Variants in TULP4 observed in about 807,000 individuals in gnomAD.
TULP4 encodes tubby-related protein 4.
In TULP4, 16 loss-of-function variants were observed where a neutral mutation model predicts 129.0. That is an observed-to-expected ratio of 0.12 (90% CI 0.08 to 0.19). TULP4 has a LOEUF of 0.19. Among genes scored for constraint, TULP4 ranks in the 10% least tolerant of loss-of-function variants. TULP4 has a pLI of 1.00. For synonymous variants in TULP4, 998 were observed against 854.0 expected, an observed-to-expected ratio of 1.17 and a Z score of -2.94; for missense variants, 1,842 against 2,059.1, an observed-to-expected ratio of 0.89 and a Z score of 2.04.
At chr6:158,309,923 G>C (rs58680069), upstream of TULP4, among the ~76,000 whole-genome samples, 6 of 25,370 alleles carry the variant, frequency 2.4e-4, no homozygotes, top group African/African-American at 8.4e-4. Flanking sequence ...AGAGGGGGAG[G>C]GGGAGGGGGA....
chr6:158,252,860 T>C (rs1170400712), intron 1 of TULP4, among the ~76,000 whole-genome samples: 2 of 152,310 alleles, frequency 1.3e-5, no homozygotes, highest in Admixed American at 1.3e-4. Context: ...GGTTACCACA[T>C]TGGATTTAGA....
intron 1 of TULP4, among the ~76,000 whole-genome samples, chr6:158,246,086 A>G (rs1418309350): frequency 2.0e-5 from 3 of 151,212 alleles, no homozygotes; most frequent in East Asian, 1.9e-4. Context: ...TGAGATTTCT[A>G]TAAAGACCAT....
intron 5 of TULP4, among the ~76,000 whole-genome samples, chr6:158,455,055 A>ATTTT (rs781328845): frequency 3.0e-5 from 1 of 33,212 alleles, no homozygotes; most frequent in Non-Finnish European, 4.9e-5. Flanking sequence ...CAAATTTAAC[A>ATTTT]TTTTTTTTTT....
chr6:158,462,910 C>T (rs1042712706), intron 6 of TULP4, among the ~76,000 whole-genome samples: 12 of 151,960 alleles, frequency 7.9e-5, no homozygotes, highest in South Asian at 2.1e-4. Context: ...CCACCACGCC[C>T]GGCTAATTTT....
chr6:158,444,782 A>G (rs1377004467), intron 3 of TULP4, among the ~76,000 whole-genome samples: 1 of 152,220 alleles, frequency 6.6e-6, no homozygotes. Context: ...TGAAATAAAG[A>G]GATTATATGT....
At chr6:158,341,495 T>C (rs999064849) in intron 1 of TULP4, among the ~76,000 whole-genome samples, 1 of 152,212 alleles carries the variant, frequency 6.6e-6, no homozygotes, top group Admixed American at 6.5e-5. Flanking sequence ...ATTTTTAGTT[T>C]TATGAAGATT....
At chr6:158,504,257 A>AT in intron 13 of TULP4, 79 bp downstream of exon 13, 1 of 1,194,794 alleles carries the variant, frequency 8.4e-7, no homozygotes, top group Non-Finnish European at 1.2e-6. Flanking sequence ...AGCATTTTTC[A>AT]AAAGGCCAAA....
intron 9 of TULP4, among the ~76,000 whole-genome samples, chr6:158,492,846 CAT>C (rs1449131826): frequency 6.6e-6 from 1 of 152,194 alleles, no homozygotes; most frequent in Admixed American, 6.5e-5. Flanking sequence ...TGTCATTAAA[CAT>C]GTGTGTCTCC....
chr6:158,322,619 G>A (rs1262842718), intron 1 of TULP4, among the ~76,000 whole-genome samples: 1 of 152,094 alleles, frequency 6.6e-6, no homozygotes, highest in Non-Finnish European at 1.5e-5. Flanking sequence ...TTCAGTTACT[G>A]TTCTGACTCA....
intron 1 of TULP4, among the ~76,000 whole-genome samples, chr6:158,357,143 C>T (rs1331928103): frequency 6.6e-6 from 1 of 152,200 alleles, no homozygotes; most frequent in Non-Finnish European, 1.5e-5. Flanking sequence ...CCTAGCTTCT[C>T]CCGTCTGCAG....
chr6:158,306,824 AG>A (rs769817186), intron 1 of TULP4, among the ~76,000 whole-genome samples: 8 of 152,080 alleles, frequency 5.3e-5, no homozygotes, highest in Non-Finnish European at 7.4e-5. Flanking sequence ...GTTCGAGACC[AG>A]CCTGGCTAAC....
chr6:158,425,519 A>G (rs867107509), intron 2 of TULP4, among the ~76,000 whole-genome samples: 2 of 147,682 alleles, frequency 1.4e-5, no homozygotes, highest in Non-Finnish European at 3.0e-5. Flanking sequence ...GTCTCAAAAA[A>G]AAAAAAAAAA....
At chr6:158,319,384 T>G (rs1486507460) in intron 1 of TULP4, among the ~76,000 whole-genome samples, 1 of 150,174 alleles carries the variant, frequency 6.7e-6, no homozygotes, top group Non-Finnish European at 1.5e-5. Flanking sequence ...GTTTTTCATT[T>G]CCGGGAAGGC....
chr6:158,424,742 T>C (rs1165558302), intron 2 of TULP4, among the ~76,000 whole-genome samples: 1 of 152,196 alleles, frequency 6.6e-6, no homozygotes, highest in African/African-American at 2.4e-5. Context: ...AATCCATGGA[T>C]ACAGATGACA....
intron 1 of TULP4, among the ~76,000 whole-genome samples, chr6:158,246,458 C>T (rs2128449502): frequency 6.6e-6 from 1 of 150,418 alleles, no homozygotes; most frequent in East Asian, 2.0e-4. Flanking sequence ...CACCACTGCA[C>T]TCCAGCCTGG....
intron 1 of TULP4, among the ~76,000 whole-genome samples, chr6:158,402,504 C>G (rs142190850): frequency 6.6e-6 from 1 of 152,172 alleles, no homozygotes; most frequent in Non-Finnish European, 1.5e-5. Flanking sequence ...TCTGAGAAAA[C>G]AAATGAAGAC....
At chr6:158,425,674 G>A (rs1339365741) in intron 2 of TULP4, among the ~76,000 whole-genome samples, 1 of 151,786 alleles carries the variant, frequency 6.6e-6, no homozygotes, top group African/African-American at 2.4e-5. Context: ...CACGATCTTG[G>A]CTCTCTGCAA....
chr6:158,458,933 C>T (rs1400309049), intron 5 of TULP4, among the ~76,000 whole-genome samples: 5 of 152,190 alleles, frequency 3.3e-5, no homozygotes, highest in Admixed American at 6.5e-5. Context: ...TCCCTGGTCG[C>T]GGCTGTGCCT....
chr6:158,317,529 G>A (rs1355539667), intron 1 of TULP4, among the ~76,000 whole-genome samples: 2 of 152,092 alleles, frequency 1.3e-5, no homozygotes, highest in Non-Finnish European at 2.9e-5. Flanking sequence ...GTATTCCATG[G>A]TGTATATGTG....
Sources: allele counts gnomAD v4.1 joint callset (sites outside exome capture counted in the v4.1 genomes callset), GRCh38; gene constraint gnomAD v4.1.1; transcripts MANE v1.5; gene names NCBI Gene and HGNC (gene_info 2026-07-23, HGNC 2026-07-21).